PRTG: variants seen among roughly 807,000 people sequenced by gnomAD.
The protein encoded by PRTG is protogenin.
In PRTG, 67 loss-of-function variants were observed where a neutral mutation model predicts 122.5. That is an observed-to-expected ratio of 0.55 (90% confidence interval 0.45 to 0.67). The LOEUF (loss-of-function observed/expected upper bound fraction) is 0.67. Ranked by LOEUF, PRTG falls within the 30% of genes least tolerant of loss-of-function variation. The pLI, the probability that PRTG is intolerant of heterozygous loss-of-function variation, is 0.00. For missense variants in PRTG, 1,435 were observed against 1,415.4 expected, an observed-to-expected ratio of 1.01 and a Z score of -0.22; for synonymous variants, 554 against 501.1, an observed-to-expected ratio of 1.11 and a Z score of -1.41.
Position 55,620,885 on chromosome 15 carries a change from T to C in PRTG, c.3094-118A>G, listed in dbSNP as rs993464111. 5.6e-6 allele frequency: 5 copies of C among 897,876 alleles called. No homozygotes were observed. The South Asian group carries it at 8.5e-5, about 15-fold the overall frequency. 55.6% of individuals were successfully genotyped at this position (897,876 alleles called of 1,614,324 possible). A position where few individuals can be genotyped will look rare whatever the true frequency, so the allele number is the denominator to read the frequency against. On this transcript the variant is annotated intron_variant, in intron 18 of 19. Transcript: ENST00000389286. Reference sequence around the variant, plus strand: ...CTTCACATTTCCCTTTTCATTTTTATTTTATTTTAGATTCAGGGAGTACAT... The same window carrying C: ...CTTCACATTTCCCTTTTCATTTTTACTTTATTTTAGATTCAGGGAGTACAT...
chr15:55,632,689 T>A (rs1430438726), intron 15 of PRTG, among the ~76,000 whole-genome samples: 2 of 152,242 alleles, frequency 1.3e-5, no homozygotes, highest in African/African-American at 4.8e-5. Context: ...TATGTTTGAA[T>A]GTCATTTCTT....
rs2059133234 is a variant in PRTG, at chr15:55,614,344, G to A, written c.*5668C>T. ...TGCTGAGAAGGATGGGGAATGTGAG[G>A]GTTAATAAAACTGAAAAGCATTCAG... On this transcript the variant is annotated 3_prime_UTR_variant, in exon 20 of 20. Coordinates refer to ENST00000389286, the MANE Select transcript of PRTG (RefSeq NM_173814.6). The A allele has an allele frequency of 1.3e-5, 2 of 152,018 alleles. No individual in the cohort carries two copies. The highest frequency in any genetic ancestry group is 4.1e-4 in the South Asian group (2 of 4,822). The allele number at this position is 152,018 out of a possible 1,614,324, so 9.4% of individuals were successfully genotyped here. A position where few individuals can be genotyped will look rare whatever the true frequency, so the allele number is the denominator to read the frequency against.
At position 55,635,090 on chromosome 15, in the gene PRTG, T is replaced by A. The variant is rs1214054552; in HGVS notation, c.2623+2080A>T. Among the ~76,000 whole-genome samples, 4 of 151,772 alleles carry A rather than the reference T, an allele frequency of 2.6e-5. No individual in the cohort carries two copies. In the East Asian group the frequency reaches 7.7e-4, roughly 29 times the overall value. ...TTGGTTCTGGGTGTGTGTGTGTGTG[T>A]GTGTGTGTGTGTGTTTTTTGAGACA... On this transcript the variant is annotated intron_variant, in intron 15 of 19. Transcript: ENST00000389286.
chr15:55,646,747 T>A (rs2059326611), intron 11 of PRTG, among the ~76,000 whole-genome samples: 1 of 152,230 alleles, frequency 6.6e-6, no homozygotes, highest in African/African-American at 2.4e-5. Context: ...AAAGCTCAAA[T>A]TAATCTAACA....
chr15:55,720,876 G>T (rs537251398), intron 2 of PRTG, among the ~76,000 whole-genome samples: 17 of 152,086 alleles, frequency 1.1e-4, no homozygotes, highest in African/African-American at 4.1e-4. Context: ...GCTGTCCTGG[G>T]CTGCATGCGG....
Position 55,635,401 on chromosome 15 carries a change from G to A in PRTG, c.2623+1769C>T, listed in dbSNP as rs558105682. On this transcript the variant is annotated intron_variant, in intron 15 of 19. Transcript: ENST00000389286. ...CACTGCGCCCAGCCTCTGTCTTGCC[G>A]TTTTTAGACTACTCAGAGCCTATCA... Among the ~76,000 whole-genome samples, 7 of 152,112 alleles carry A rather than the reference G, an allele frequency of 4.6e-5. No individual in the cohort carries two copies. In the East Asian group the frequency reaches 1.4e-3, roughly 29 times the overall value.
At chr15:55,656,539 G>A (rs1173786642) in intron 11 of PRTG, among the ~76,000 whole-genome samples, 5 of 151,994 alleles carry the variant, frequency 3.3e-5, no homozygotes, top group Admixed American at 6.5e-5. Context: ...ATGGAGTCTC[G>A]CTCTGTTGCC....
chr15:55,713,513 T>A (rs2030474568), intron 2 of PRTG, among the ~76,000 whole-genome samples: 1 of 152,246 alleles, frequency 6.6e-6, no homozygotes, highest in Non-Finnish European at 1.5e-5. Flanking sequence ...TTTCAATTTT[T>A]CCCGATATTG....
At chr15:55,660,417 A>G (rs1415595021) in intron 11 of PRTG, among the ~76,000 whole-genome samples, 3 of 152,202 alleles carry the variant, frequency 2.0e-5, no homozygotes, top group Admixed American at 2.0e-4. Context: ...TCACACATCT[A>G]AAGATTCTTT....
At chr15:55,674,978 T>C (rs75999645) in intron 9 of PRTG, among the ~76,000 whole-genome samples, 73 of 152,212 alleles carry the variant, frequency 4.8e-4, no homozygotes, top group Non-Finnish European at 9.6e-4. Context: ...ATAATATGAA[T>C]ATCTGGCCTT....
At position 55,616,989 on chromosome 15, in the gene PRTG, G is replaced by C. The variant is rs1228083811; in HGVS notation, c.*3023C>G. ...GCATAAAAATGACATGCAGGTATCA[G>C]TACTTACAGCAAATACATCTTTGGA... On this transcript the variant is annotated 3_prime_UTR_variant, in exon 20 of 20. Transcript: ENST00000389286. 3 of 152,052 alleles carry C rather than the reference G, an allele frequency of 2.0e-5. No individual in the cohort carries two copies. The highest frequency in any genetic ancestry group is 4.4e-5 in the Non-Finnish European group (3 of 67,964). The allele number at this position is 152,052 out of a possible 1,614,324, so 9.4% of individuals were successfully genotyped here. A position where few individuals can be genotyped will look rare whatever the true frequency, so the allele number is the denominator to read the frequency against.
intron 15 of PRTG, among the ~76,000 whole-genome samples, chr15:55,629,480 G>C (rs1212657104): frequency 1.4e-5 from 2 of 145,606 alleles, no homozygotes; most frequent in Non-Finnish European, 3.0e-5. Flanking sequence ...ACAGAATTTA[G>C]GACATTTTAT....
chr15:55,739,702 C>A (rs1244149788), intron 2 of PRTG, among the ~76,000 whole-genome samples: 4 of 152,098 alleles, frequency 2.6e-5, no homozygotes, highest in African/African-American at 7.2e-5. Context: ...ATCACTTGGA[C>A]AAATGGTTGA....
At chr15:55,718,579 C>T (rs1052260615) in intron 2 of PRTG, among the ~76,000 whole-genome samples, 3 of 151,388 alleles carry the variant, frequency 2.0e-5, no homozygotes, top group African/African-American at 4.9e-5. Flanking sequence ...AGACTCAGCC[C>T]GCCTGCACCC....
At chr15:55,691,944 G>A (rs2059605124) in intron 2 of PRTG, among the ~76,000 whole-genome samples, 1 of 151,916 alleles carries the variant, frequency 6.6e-6, no homozygotes, top group South Asian at 2.1e-4. Context: ...AGCTGAGGTG[G>A]GAGAATTGCT....
chr15:55,638,002 T>A (rs990183756), intron 14 of PRTG, among the ~76,000 whole-genome samples: 2 of 152,172 alleles, frequency 1.3e-5, no homozygotes, highest in African/African-American at 4.8e-5. Flanking sequence ...CTCTGTATAA[T>A]TAAAATAGAG....
chr15:55,672,261 A>T (rs1028468223), intron 11 of PRTG, among the ~76,000 whole-genome samples, 184 bp downstream of exon 11: 1 of 152,172 alleles, frequency 6.6e-6, no homozygotes, highest in East Asian at 1.9e-4. Context: ...TTGCCACTGG[A>T]CTCACAATGG....
In PRTG at chr15:55,612,642, T is replaced by G. The variant is rs2059125125; in HGVS notation, c.*7370A>C. The stretch of plus-strand genomic sequence containing the variant: ...AAATCCTAAATATGTACTTTTCTCC[T>G]CACCCATCTATCCTGCTGGACAGAT... On this transcript the variant is annotated 3_prime_UTR_variant, in exon 20 of 20. Coordinates refer to ENST00000389286, the MANE Select transcript of PRTG (RefSeq NM_173814.6). 1.4e-5 allele frequency: 2 copies of G among 143,340 alleles called. No homozygotes were observed. The highest frequency in any genetic ancestry group is 5.3e-5 in the African/African-American group (2 of 37,804). 8.9% of individuals were successfully genotyped at this position (143,340 alleles called of 1,614,324 possible).
At chr15:55,703,489 T>G (rs74909667) in intron 2 of PRTG, among the ~76,000 whole-genome samples, 3 of 151,932 alleles carry the variant, frequency 2.0e-5, no homozygotes, top group South Asian at 4.2e-4. Context: ...ACACCAGAAG[T>G]AGATGTAGAA....
Sources: allele counts gnomAD v4.1 joint callset (sites outside exome capture counted in the v4.1 genomes callset), GRCh38; gene constraint gnomAD v4.1.1; transcripts MANE v1.5; gene names NCBI Gene and HGNC (gene_info 2026-07-23, HGNC 2026-07-21).